CDH18: variants seen among roughly 807,000 people sequenced by gnomAD.
CDH18 encodes cadherin-18.
A neutral mutation model predicts 67.9 loss-of-function variants in CDH18; 31 were observed. The ratio of observed to expected loss-of-function variants is 0.46; its 90% CI spans 0.34 to 0.62. The LOEUF is 0.62. Among genes scored for constraint, CDH18 ranks in the 20% least tolerant of loss-of-function variants. The probability of loss-of-function intolerance (pLI) is 0.01; values close to 1 mark genes in which losing one functional copy is unlikely to be tolerated. For synonymous variants in CDH18, 362 were observed against 347.2 expected (o/e 1.04, Z -0.48); for missense variants, 890 against 975.5 (o/e 0.91, Z 1.17).
intron 1 of CDH18, among the ~76,000 whole-genome samples, chr5:20,504,313 G>C (rs963400233): frequency 3.3e-5 from 5 of 152,078 alleles, no homozygotes; most frequent in African/African-American, 1.2e-4. Context: ...GGATTTTTAT[G>C]AAAAATCTGC....
chr5:19,931,451 T>C (rs1793682997), intron 2 of CDH18, among the ~76,000 whole-genome samples: 1 of 151,924 alleles, frequency 6.6e-6, no homozygotes, highest in South Asian at 2.1e-4. Flanking sequence ...CCCTGTAATG[T>C]GGTTAAAATT....
chr5:20,300,580 A>T (rs1047424762), intron 1 of CDH18, among the ~76,000 whole-genome samples: 1 of 152,130 alleles, frequency 6.6e-6, no homozygotes, highest in African/African-American at 2.4e-5. Context: ...GGGTGTTGAG[A>T]TTCCCCATAT....
intron 5 of CDH18, among the ~76,000 whole-genome samples, chr5:19,631,629 A>G (rs908568490): frequency 2.6e-5 from 4 of 151,480 alleles, no homozygotes; most frequent in Non-Finnish European, 5.9e-5. Context: ...TAAAAATCCT[A>G]AAATTAATTT....
chr5:19,790,809 A>G (rs1776278811), intron 3 of CDH18, among the ~76,000 whole-genome samples: 1 of 152,130 alleles, frequency 6.6e-6, no homozygotes, highest in South Asian at 2.1e-4. Flanking sequence ...CAGGTGAAAA[A>G]TGATGGCAAA....
intron 5 of CDH18, among the ~76,000 whole-genome samples, chr5:19,649,747 T>C (rs1755297216): frequency 6.6e-6 from 1 of 152,046 alleles, no homozygotes; most frequent in African/African-American, 2.4e-5. Flanking sequence ...TATTACATTA[T>C]ATATTATATG....
At chr5:19,638,837 G>A (rs1387856233) in intron 5 of CDH18, among the ~76,000 whole-genome samples, 2 of 151,960 alleles carry the variant, frequency 1.3e-5, no homozygotes, top group East Asian at 3.9e-4. Context: ...AATGCAAAGA[G>A]GGATTTCCCA....
chr5:19,924,163 A>C (rs1024571514), intron 2 of CDH18, among the ~76,000 whole-genome samples: 7 of 57,216 alleles, frequency 1.2e-4, no homozygotes, highest in Non-Finnish European at 3.5e-4. Context: ...TACTCAGTTG[A>C]AAAGGGCAAC....
intron 2 of CDH18, among the ~76,000 whole-genome samples, chr5:20,210,093 T>C (rs1740239677): frequency 6.6e-6 from 1 of 151,774 alleles, no homozygotes; most frequent in South Asian, 2.1e-4. Flanking sequence ...TAGACATAGT[T>C]ACTCCATCCA....
At chr5:19,608,366 C>A (rs1206028806) in intron 6 of CDH18, among the ~76,000 whole-genome samples, 3 of 151,504 alleles carry the variant, frequency 2.0e-5, no homozygotes, top group Admixed American at 1.3e-4. Flanking sequence ...TAAAAAAAAT[C>A]CTGCATATTT....
chr5:20,122,800 T>G (rs1748473212), intron 2 of CDH18, among the ~76,000 whole-genome samples: 1 of 147,798 alleles, frequency 6.8e-6, no homozygotes, highest in Admixed American at 6.8e-5. Context: ...TAATTCGATA[T>G]GAATACAAAG....
intron 3 of CDH18, among the ~76,000 whole-genome samples, chr5:19,751,206 T>C (rs930298095): frequency 9.2e-5 from 14 of 152,168 alleles, no homozygotes; most frequent in African/African-American, 3.4e-4. Context: ...TGAAAATTTA[T>C]AGCTTTCACT....
At chr5:19,855,288 CT>C (rs1784147931) in intron 2 of CDH18, among the ~76,000 whole-genome samples, 1 of 151,992 alleles carries the variant, frequency 6.6e-6, no homozygotes, top group Non-Finnish European at 1.5e-5. Context: ...ACTTTCAGAG[CT>C]GGGAAAGACT....
intron 1 of CDH18, among the ~76,000 whole-genome samples, chr5:20,287,137 T>A (rs1490508660): frequency 1.3e-5 from 2 of 151,812 alleles, no homozygotes; most frequent in East Asian, 1.9e-4. Flanking sequence ...TGGATTGATA[T>A]CTGTATTAGA....
chr5:20,111,892 A>C (rs1747513685), intron 2 of CDH18, among the ~76,000 whole-genome samples: 2 of 152,138 alleles, frequency 1.3e-5, no homozygotes, highest in Non-Finnish European at 2.9e-5. Context: ...ATTACAATGT[A>C]CTTAATTTAC....
chr5:19,671,716 AAAC>A (rs1434522109), intron 5 of CDH18, among the ~76,000 whole-genome samples: 2 of 152,160 alleles, frequency 1.3e-5, no homozygotes, highest in Non-Finnish European at 2.9e-5. Flanking sequence ...ATGAAAAAGA[AAAC>A]AAATACAATC....
chr5:20,560,979 GAAGA>G (rs745599168), intron 1 of CDH18, among the ~76,000 whole-genome samples: 7 of 151,964 alleles, frequency 4.6e-5, no homozygotes, highest in South Asian at 2.1e-4. Flanking sequence ...TCTTAACAAA[GAAGA>G]TAGATAGAAA....
At chr5:20,504,058 G>T (rs957451140) in intron 1 of CDH18, among the ~76,000 whole-genome samples, 16 of 151,762 alleles carry the variant, frequency 1.1e-4, no homozygotes, top group Non-Finnish European at 4.4e-5. Flanking sequence ...AAAAGAGAGA[G>T]AGAGAGTTAG....
At chr5:20,180,660 C>A (rs1172111848) in intron 2 of CDH18, among the ~76,000 whole-genome samples, 1 of 152,112 alleles carries the variant, frequency 6.6e-6, no homozygotes, top group Non-Finnish European at 1.5e-5. Flanking sequence ...CACTAACCTA[C>A]CCCTGCCCTC....
intron 1 of CDH18, among the ~76,000 whole-genome samples, chr5:20,352,501 C>T (rs1036398759): frequency 1.3e-5 from 2 of 151,604 alleles, no homozygotes; most frequent in Non-Finnish European, 2.9e-5. Flanking sequence ...AGAACCTGGA[C>T]AGACACGGGT....
Sources: allele counts gnomAD v4.1 joint callset (sites outside exome capture counted in the v4.1 genomes callset), GRCh38; gene constraint gnomAD v4.1.1; transcripts MANE v1.5; gene names NCBI Gene and HGNC (gene_info 2026-07-23, HGNC 2026-07-21).